GRID2: variants seen among roughly 807,000 people sequenced by gnomAD.
GRID2 encodes glutamate ionotropic receptor delta type subunit 2.
In GRID2, 33 loss-of-function variants were observed where a neutral mutation model predicts 114.8. That is an observed-to-expected ratio of 0.29 (90% CI 0.22 to 0.38). GRID2 has a LOEUF of 0.38. GRID2 is among the 10% of genes least tolerant of loss of function. The pLI, the probability that GRID2 is intolerant of heterozygous loss-of-function variation, is 1.00. For missense variants in GRID2, 1,184 were observed against 1,257.7 expected, an observed-to-expected ratio of 0.94 and a Z score of 0.89; for synonymous variants, 505 against 449.9, an observed-to-expected ratio of 1.12 and a Z score of -1.55.
chr4:93,300,599 T>G (rs193098880), intron 8 of GRID2, among the ~76,000 whole-genome samples: 1 of 152,266 alleles, frequency 6.6e-6, no homozygotes, highest in East Asian at 1.9e-4. Flanking sequence ...GGAAAAATAT[T>G]TGGCCTTGAA....
chr4:92,666,448 A>C (rs1732781044), intron 2 of GRID2, among the ~76,000 whole-genome samples: 1 of 151,504 alleles, frequency 6.6e-6, no homozygotes, highest in Admixed American at 6.6e-5. Context: ...TGAATGGAAC[A>C]TACTTTACTG....
chr4:92,617,705 T>A (rs758268626), intron 2 of GRID2, among the ~76,000 whole-genome samples: 2 of 151,782 alleles, frequency 1.3e-5, no homozygotes, highest in Non-Finnish European at 2.9e-5. Flanking sequence ...CCATTAAAAC[T>A]ACAGTATGAT....
At chr4:93,385,428 C>A in intron 8 of GRID2, among the ~76,000 whole-genome samples, 1 of 152,056 alleles carries the variant, frequency 6.6e-6, no homozygotes, top group Non-Finnish European at 1.5e-5. Flanking sequence ...ACCTGCATGC[C>A]ACAAAACTCC....
intron 2 of GRID2, among the ~76,000 whole-genome samples, chr4:92,971,286 T>A (rs1275679947): frequency 6.6e-6 from 1 of 152,066 alleles, no homozygotes; most frequent in Non-Finnish European, 1.5e-5. Flanking sequence ...AGCAGGGACA[T>A]AGGCACTTTA....
chr4:92,841,575 A>G (rs1742898527), intron 2 of GRID2, among the ~76,000 whole-genome samples: 1 of 151,968 alleles, frequency 6.6e-6, no homozygotes, highest in Non-Finnish European at 1.5e-5. Flanking sequence ...AAAAAGTTTA[A>G]CATTCCAGAT....
intron 13 of GRID2, among the ~76,000 whole-genome samples, chr4:93,589,131 A>T (rs972894643): frequency 6.6e-6 from 1 of 151,596 alleles, no homozygotes; most frequent in Non-Finnish European, 1.5e-5. Flanking sequence ...TACGTGTGCC[A>T]TGCTGGTGTG....
intron 2 of GRID2, among the ~76,000 whole-genome samples, chr4:92,780,169 G>A (rs1344299612): frequency 6.6e-6 from 1 of 152,052 alleles, no homozygotes; most frequent in Non-Finnish European, 1.5e-5. Flanking sequence ...ACTAATAATA[G>A]AGCAAATAGT....
intron 4 of GRID2, among the ~76,000 whole-genome samples, chr4:93,163,564 G>GT (rs112875511): frequency 0.064 from 8,863 of 137,936 alleles, 687 homozygotes; most frequent in African/African-American, 0.19. Flanking sequence ...GCACTTGCCA[G>GT]TTTTTTTTTT....
intron 1 of GRID2, among the ~76,000 whole-genome samples, chr4:92,543,394 G>A (rs1726076941): frequency 6.6e-6 from 1 of 152,066 alleles, no homozygotes; most frequent in Admixed American, 6.6e-5. Context: ...AATAGTAAGT[G>A]CTAAGTTCTA....
intron 2 of GRID2, among the ~76,000 whole-genome samples, chr4:92,645,747 T>C (rs1731582071): frequency 6.6e-6 from 1 of 151,752 alleles, no homozygotes; most frequent in South Asian, 2.1e-4. Flanking sequence ...ATCTGACTTC[T>C]TTCTTCCCTC....
At position 93,299,314 on chromosome 4, in the gene GRID2, G is replaced by A. The variant is rs1754620950; in HGVS notation, c.1245+60824G>A. On this transcript the variant is annotated intron_variant, in intron 8 of 15. Coordinates refer to ENST00000282020, the MANE Select transcript of GRID2 (RefSeq NM_001510.4). ...CAGTAGAAAGGCAAGGCCTGAGGAA[G>A]TTACAGTAAGGGCAAGAAGTAGGGA... Among the ~76,000 whole-genome samples, 2 of 152,096 alleles carry A rather than the reference G, an allele frequency of 1.3e-5. 1 individual carries two copies. The highest frequency in any genetic ancestry group is 4.1e-4 in the South Asian group (2 of 4,830).
chr4:93,430,890 A>G (rs1385877066), intron 10 of GRID2, among the ~76,000 whole-genome samples: 6 of 152,218 alleles, frequency 3.9e-5, no homozygotes, highest in Non-Finnish European at 8.8e-5. Flanking sequence ...ACGTCTACTG[A>G]CAGACACAAG....
intron 9 of GRID2, 105 bp from the exon 10 acceptor site, chr4:93,422,666 G>A (rs867128330): frequency 2.9e-6 from 2 of 700,676 alleles, no homozygotes; most frequent in African/African-American, 1.8e-5. Context: ...TTCTTTCAAA[G>A]TATAAAACAA....
chr4:93,009,843 C>G (rs911267051), intron 2 of GRID2, among the ~76,000 whole-genome samples: 3 of 151,900 alleles, frequency 2.0e-5, no homozygotes, highest in Admixed American at 6.6e-5. Context: ...AAGCCTTTAC[C>G]CCAATTCAAG....
intron 14 of GRID2, among the ~76,000 whole-genome samples, chr4:93,734,751 A>G (rs750674625): frequency 6.6e-6 from 1 of 152,054 alleles, no homozygotes; most frequent in Non-Finnish European, 1.5e-5. Flanking sequence ...GATGGTCTAC[A>G]GAAAAAGTTT....
At chr4:93,246,430 A>T (rs1330570587) in intron 8 of GRID2, among the ~76,000 whole-genome samples, 1 of 151,980 alleles carries the variant, frequency 6.6e-6, no homozygotes, top group Non-Finnish European at 1.5e-5. Context: ...TACTAAAAAT[A>T]CAAAAAATTA....
chr4:93,187,171 G>A (rs1212751065), intron 4 of GRID2, among the ~76,000 whole-genome samples: 1 of 152,176 alleles, frequency 6.6e-6, no homozygotes, highest in East Asian at 1.9e-4. Context: ...TAAGAATTTT[G>A]AGGGAACACA....
At chr4:93,539,418 G>A (rs911292216) in intron 13 of GRID2, among the ~76,000 whole-genome samples, 2 of 151,842 alleles carry the variant, frequency 1.3e-5, no homozygotes, top group African/African-American at 4.8e-5. Context: ...TTTCTCCATT[G>A]TCTAAGTCTC....
chr4:93,603,837 T>A (rs1739938367), intron 13 of GRID2, among the ~76,000 whole-genome samples: 1 of 152,298 alleles, frequency 6.6e-6, no homozygotes, highest in South Asian at 2.1e-4. Context: ...CCACATCTGG[T>A]TACAGCATGG....
Sources: allele counts gnomAD v4.1 joint callset (sites outside exome capture counted in the v4.1 genomes callset), GRCh38; gene constraint gnomAD v4.1.1; transcripts MANE v1.5; gene names NCBI Gene and HGNC (gene_info 2026-07-23, HGNC 2026-07-21).